Variants in MEGF11 observed in about 807,000 individuals in gnomAD.
MEGF11 encodes the protein multiple EGF like domains 11.
In MEGF11, 126 loss-of-function variants were observed where a neutral mutation model predicts 146.6. That is an observed-to-expected ratio of 0.86 (90% confidence interval 0.74 to 1.00). MEGF11 has a LOEUF of 1.00. Ranked by LOEUF, MEGF11 falls within the 50% of genes least tolerant of loss-of-function variation. The probability of loss-of-function intolerance (pLI) is 0.00; values close to 1 mark genes in which losing one functional copy is unlikely to be tolerated. For synonymous variants in MEGF11, 532 were observed against 583.4 expected (o/e 0.91, Z 1.27); for missense variants, 1,509 against 1,521.2 (o/e 0.99, Z 0.13).
chr15:66,175,573 G>T (rs2090370829), intron 1 of MEGF11, among the ~76,000 whole-genome samples: 1 of 152,184 alleles, frequency 6.6e-6, no homozygotes, highest in African/African-American at 2.4e-5. Flanking sequence ...AATGGGGAAA[G>T]GACATTGTCT....
chr15:66,066,727 C>T (rs184034382), intron 5 of MEGF11, among the ~76,000 whole-genome samples: 74 of 152,356 alleles, frequency 4.9e-4, no homozygotes, highest in Admixed American at 4.4e-3. Flanking sequence ...GCTGAGCCTG[C>T]CTCCTTAATG....
At chr15:66,016,807 ATCT>A (rs1167445508) in intron 5 of MEGF11, among the ~76,000 whole-genome samples, 6 of 152,218 alleles carry the variant, frequency 3.9e-5, no homozygotes, top group East Asian at 1.9e-4. Context: ...CAATGAATGA[ATCT>A]TCTTTATGCT....
intron 5 of MEGF11, among the ~76,000 whole-genome samples, chr15:65,999,047 CTTTTT>C (rs35982125): frequency 1.4e-4 from 20 of 143,954 alleles, no homozygotes; most frequent in Non-Finnish European, 2.3e-4. Context: ...GGTGTCACTT[CTTTTT>C]TTTTTTTTTT....
At chr15:66,107,061 C>CCCCCCCCG (rs1555471311) in intron 4 of MEGF11, among the ~76,000 whole-genome samples, 1 of 88,494 alleles carries the variant, frequency 1.1e-5, no homozygotes, top group African/African-American at 4.7e-5. Context: ...CCTACCCCCC[C>CCCCCCCCG]ACCAGGTATA....
At chr15:66,072,331 C>G (rs901054814) in intron 5 of MEGF11, among the ~76,000 whole-genome samples, 4 of 152,210 alleles carry the variant, frequency 2.6e-5, no homozygotes. Context: ...AGTCTTGGCT[C>G]AAATCTTCCC....
At chr15:66,010,346 C>T (rs1411816820) in intron 5 of MEGF11, among the ~76,000 whole-genome samples, 1 of 151,990 alleles carries the variant, frequency 6.6e-6, no homozygotes, top group Non-Finnish European at 1.5e-5. Flanking sequence ...ATGTGCACCA[C>T]CATGCCATGC....
At chr15:66,236,601 G>A (rs12442953) in intron 1 of MEGF11, among the ~76,000 whole-genome samples, 69,646 of 151,914 alleles carry the variant, frequency 0.46, 16,905 homozygotes, top group East Asian at 0.68. Flanking sequence ...ATGAGAGGGC[G>A]TCCTGAGAAT....
intron 10 of MEGF11, among the ~76,000 whole-genome samples, chr15:65,936,915 G>A (rs553719597): frequency 6.6e-6 from 1 of 152,302 alleles, no homozygotes; most frequent in Admixed American, 6.5e-5. Flanking sequence ...GCTCTTGTGA[G>A]AAAGGAAAGC....
At position 66,080,056 on chromosome 15, in the gene MEGF11, A is replaced by T. The variant is rs146166297; in HGVS notation, c.394+14346T>A. On this transcript the variant is annotated intron_variant, in intron 5 of 25. Transcript: ENST00000395614. ...GCTGGAACATCTCAAAGAGAAGGAG[A>T]CAGAGGCTGGGGGATGTGACAGCCA... 5.1e-3 allele frequency among the ~76,000 whole-genome samples: 775 copies of T among 152,282 alleles called. 10 individuals carry two copies. Among genetic ancestry groups the T allele is most frequent in the African/African-American group, 0.018 (736 of 41,568 alleles).
chr15:65,909,171 C>T (rs900481117), intron 22 of MEGF11, 36 bp from the exon 23 acceptor site: 1 of 1,409,018 alleles, frequency 7.1e-7, no homozygotes, highest in African/African-American at 1.4e-5. Flanking sequence ...GCCATTATTC[C>T]CAGGGCCCTG....
Position 65,898,951 on chromosome 15 carries a change from AT to A in MEGF11, c.3056-18del, listed in dbSNP as rs1339789983. The A allele has an allele frequency of 6.2e-7, 1 of 1,612,778 alleles. No homozygotes were observed. The highest frequency in any genetic ancestry group is 1.3e-5 in the African/African-American group (1 of 74,904). ...TCATGTAATCTGCAAGGCAAGAGACATTTCTTAGGACAAGCAAGAATACAAG... is the reference window on the plus strand; with the variant it reads ...TCATGTAATCTGCAAGGCAAGAGACATTCTTAGGACAAGCAAGAATACAAG... On this transcript the variant is annotated intron_variant, in intron 24 of 25. Coordinates refer to ENST00000395614, the MANE Select transcript of MEGF11 (RefSeq NM_001385028.1).
chr15:65,950,339 T>G (rs922094046), intron 10 of MEGF11, among the ~76,000 whole-genome samples: 3 of 152,116 alleles, frequency 2.0e-5, no homozygotes, highest in Non-Finnish European at 4.4e-5. Flanking sequence ...AAATCCAACA[T>G]TTTGGGAGGC....
chr15:65,996,498 T>TAA (rs1417907150), intron 5 of MEGF11, among the ~76,000 whole-genome samples: 6 of 147,568 alleles, frequency 4.1e-5, no homozygotes, highest in South Asian at 2.1e-4. Flanking sequence ...TTTTTTTTTT[T>TAA]AATCTCAGAT....
intron 5 of MEGF11, among the ~76,000 whole-genome samples, chr15:66,048,164 T>C (rs994573838): frequency 2.0e-5 from 3 of 152,198 alleles, no homozygotes; most frequent in Non-Finnish European, 4.4e-5. Flanking sequence ...CAGGCTGCTC[T>C]TGAATTCCTG....
intron 24 of MEGF11, 65 bp downstream of exon 24, chr15:65,906,020 T>A: frequency 7.2e-7 from 1 of 1,384,942 alleles, no homozygotes; most frequent in Non-Finnish European, 1.0e-6. Flanking sequence ...TCCTGGCCAT[T>A]TCAGATCTGC....
intron 1 of MEGF11, among the ~76,000 whole-genome samples, chr15:66,210,362 G>A (rs548315083): frequency 1.3e-3 from 192 of 152,284 alleles, no homozygotes; most frequent in South Asian, 0.011. Context: ...GCTTCCTTAA[G>A]TGTTGACCCT....
At position 65,897,792 on chromosome 15, in the gene MEGF11, C is replaced by CA. The variant is rs1478849828; in HGVS notation, c.*141_*142insT. ...AACAATTATCCCAGTCCCACCTGGA[C>CA]GCTCTTCTTTAGTTCCAGGTGAACG... is the stretch of plus-strand genomic sequence containing the variant. On this transcript the variant is annotated 3_prime_UTR_variant, in exon 26 of 26. Coordinates refer to ENST00000395614, the MANE Select transcript of MEGF11 (RefSeq NM_001385028.1). 1.3e-6 allele frequency: 1 copy of CA among 774,936 alleles called. No homozygotes were observed. Among genetic ancestry groups the CA allele is most frequent in the Non-Finnish European group, 2.0e-6 (1 of 506,022 alleles). 48.0% of individuals were successfully genotyped at this position (774,936 alleles called of 1,614,324 possible).
intron 1 of MEGF11, among the ~76,000 whole-genome samples, chr15:66,192,142 G>A (rs2090898468): frequency 6.6e-6 from 1 of 151,450 alleles, no homozygotes; most frequent in Non-Finnish European, 1.5e-5. Context: ...AACAAATATC[G>A]AGGGCTTACT....
intron 1 of MEGF11, among the ~76,000 whole-genome samples, chr15:66,180,884 T>C (rs554865731): frequency 3.0e-4 from 45 of 152,334 alleles, no homozygotes; most frequent in African/African-American, 1.0e-3. Context: ...TCCAGGCCCC[T>C]AATCGGCCCT....
Sources: gnomAD v4.1 joint callset for allele counts (sites outside exome capture counted in the v4.1 genomes callset) on GRCh38, gnomAD v4.1.1 for gene constraint, MANE v1.5 for transcripts, NCBI Gene and HGNC (gene_info 2026-07-23, HGNC 2026-07-21) for gene names.